The following CDH13 variants were observed in gnomAD, a reference collection of about 807,000 sequenced individuals.
CDH13 encodes cadherin-13.
In CDH13, 24 loss-of-function variants were observed where a neutral mutation model predicts 63.8. That is an observed-to-expected ratio of 0.38 (90% confidence interval 0.27 to 0.53). The LOEUF (loss-of-function observed/expected upper bound fraction) is 0.53. Ranked by LOEUF, CDH13 falls within the 20% of genes least tolerant of loss-of-function variation. CDH13 has a pLI of 0.85. For missense variants in CDH13, 1,049 were observed against 903.1 expected (o/e 1.16, Z -2.07); for synonymous variants, 503 against 355.3 (o/e 1.42, Z -4.67).
At chr16:82,962,802 C>T (rs1376255237) in intron 2 of CDH13, among the ~76,000 whole-genome samples, 1 of 152,116 alleles carries the variant, frequency 6.6e-6, no homozygotes, top group Admixed American at 6.6e-5. Context: ...GCTTGATTCG[C>T]TGTGAAAAGC....
At chr16:83,242,811 C>T (rs529692158) in intron 5 of CDH13, among the ~76,000 whole-genome samples, 140 of 152,300 alleles carry the variant, frequency 9.2e-4, no homozygotes, top group African/African-American at 3.1e-3. Context: ...TGGCAATGTC[C>T]ACCTTTGGAG....
chr16:82,682,167 C>T (rs914998039), intron 1 of CDH13, among the ~76,000 whole-genome samples: 5 of 152,214 alleles, frequency 3.3e-5, no homozygotes, highest in African/African-American at 1.2e-4. Context: ...AGACTGCCTT[C>T]ACGCATCAGG....
At chr16:83,525,652 C>T (rs919511703) in intron 7 of CDH13, among the ~76,000 whole-genome samples, 14 of 152,100 alleles carry the variant, frequency 9.2e-5, no homozygotes, top group Non-Finnish European at 4.4e-5. Context: ...TGCTTTAGTG[C>T]CCCAGAAGCT....
At chr16:82,664,950 A>G (rs1347083734) in intron 1 of CDH13, among the ~76,000 whole-genome samples, 1 of 152,122 alleles carries the variant, frequency 6.6e-6, no homozygotes, top group African/African-American at 2.4e-5. Context: ...ATTATTCATG[A>G]ATTCTGTCTT....
rs1158270310 is a variant in CDH13 at position 83,216,397 on chromosome 16, A to AATATATATATAT, written c.484-912_484-901dup. 1.7e-3 allele frequency among the ~76,000 whole-genome samples: 27 copies of AATATATATATAT among 16,082 alleles called. 2 individuals carry two copies. The highest frequency in any genetic ancestry group is 4.1e-3 in the South Asian group (1 of 244). 10.6% of individuals were successfully genotyped at this position (16,082 alleles called of 152,430 possible). A position where few individuals can be genotyped will look rare whatever the true frequency, so the allele number is the denominator to read the frequency against. ...TAATGTCCTCTGCCTCCAGCATTGA[A>AATATATATATAT]ATATATATATATATATATATATATA... On this transcript the variant is annotated intron_variant, in intron 4 of 13. Transcript: ENST00000567109.
chr16:83,313,418 C>G (rs533109165), intron 5 of CDH13, among the ~76,000 whole-genome samples: 10 of 152,048 alleles, frequency 6.6e-5, no homozygotes, highest in Non-Finnish European at 1.3e-4. Flanking sequence ...AGCATCATGC[C>G]CCTAAACTTT....
chr16:83,437,979 C>G (rs941010847), intron 6 of CDH13, among the ~76,000 whole-genome samples: 7 of 152,150 alleles, frequency 4.6e-5, no homozygotes, highest in Non-Finnish European at 5.9e-5. Context: ...CCTGGCCACT[C>G]CCATGTGCAT....
At chr16:83,625,495 G>T (rs141132038) in intron 8 of CDH13, among the ~76,000 whole-genome samples, 1 of 152,130 alleles carries the variant, frequency 6.6e-6, no homozygotes. Context: ...GCTGAGAGCC[G>T]AGCCTGTTAC....
intron 2 of CDH13, among the ~76,000 whole-genome samples, chr16:83,029,769 G>T (rs78324824): frequency 0.01 from 1,522 of 152,126 alleles, 23 homozygotes; most frequent in African/African-American, 0.035. Context: ...TCATGTTATG[G>T]CCTGGTTGCT....
intron 6 of CDH13, among the ~76,000 whole-genome samples, chr16:83,408,410 C>G (rs1329828795): frequency 1.3e-5 from 2 of 152,278 alleles, no homozygotes; most frequent in African/African-American, 2.4e-5. Flanking sequence ...GTATATTCTG[C>G]TACATGCCTA....
intron 8 of CDH13, among the ~76,000 whole-genome samples, chr16:83,645,891 C>T (rs141012214): frequency 5.9e-5 from 9 of 152,176 alleles, no homozygotes; most frequent in African/African-American, 9.6e-5. Context: ...AAAAGGGAGA[C>T]GAAAATTGAG....
At chr16:83,651,697 G>C (rs1436774610) in intron 8 of CDH13, among the ~76,000 whole-genome samples, 2 of 135,618 alleles carry the variant, frequency 1.5e-5, no homozygotes, top group African/African-American at 5.5e-5. Flanking sequence ...CCAGGTTCAA[G>C]AAATTCTCCT....
intron 2 of CDH13, among the ~76,000 whole-genome samples, chr16:82,863,305 T>G (rs2151175234): frequency 6.6e-6 from 1 of 152,298 alleles, no homozygotes; most frequent in East Asian, 1.9e-4. Context: ...ATATTCCCAC[T>G]GAACAGAATT....
intron 2 of CDH13, among the ~76,000 whole-genome samples, chr16:82,922,539 T>C (rs1228197636): frequency 6.6e-6 from 1 of 152,156 alleles, no homozygotes. Context: ...CCCCTCTTCT[T>C]GTTGTATGTA....
chr16:82,885,524 C>A, intron 2 of CDH13, among the ~76,000 whole-genome samples: 1 of 147,882 alleles, frequency 6.8e-6, no homozygotes, highest in Non-Finnish European at 1.5e-5. Context: ...TCCATTCATC[C>A]ATCCATCCAT....
intron 10 of CDH13, among the ~76,000 whole-genome samples, chr16:83,700,697 T>A (rs1906089874): frequency 6.6e-6 from 1 of 152,218 alleles, no homozygotes; most frequent in African/African-American, 2.4e-5. Context: ...CACAAAAAAA[T>A]TAACAAACAT....
intron 11 of CDH13, among the ~76,000 whole-genome samples, chr16:83,775,325 G>T (rs1288189982): frequency 6.6e-6 from 1 of 151,718 alleles, no homozygotes; most frequent in Admixed American, 6.7e-5. Context: ...TGGAGGCAGG[G>T]GCCATGACCT....
At chr16:83,248,700 C>G (rs1013311503) in intron 5 of CDH13, among the ~76,000 whole-genome samples, 2 of 152,138 alleles carry the variant, frequency 1.3e-5, no homozygotes, top group Admixed American at 6.6e-5. Flanking sequence ...CTAATCTTAA[C>G]TGAGCCTTCT....
At chr16:83,080,871 G>GTTTTTTT (rs71148809) in intron 3 of CDH13, among the ~76,000 whole-genome samples, 1,638 of 46,864 alleles carry the variant, frequency 0.035, 379 homozygotes, top group East Asian at 0.082. Context: ...TTGTTTTTGT[G>GTTTTTTT]TTTTTTTTTT....
Sources: allele counts gnomAD v4.1 joint callset (sites outside exome capture counted in the v4.1 genomes callset), GRCh38; gene constraint gnomAD v4.1.1; transcripts MANE v1.5; gene names NCBI Gene and HGNC (gene_info 2026-07-23, HGNC 2026-07-21).